The following VRK1 variants were observed in gnomAD, a reference collection of about 807,000 sequenced individuals.
VRK1 encodes the protein serine/threonine-protein kinase VRK1.
VRK1 carries 33 observed loss-of-function variants against 57.1 expected under a neutral mutation model. That is an observed-to-expected ratio of 0.58 (90% CI 0.44 to 0.77). The LOEUF (loss-of-function observed/expected upper bound fraction) is 0.77. VRK1 is among the 30% of genes least tolerant of loss of function. The pLI is 0.00. For missense variants in VRK1, 413 were observed against 477.3 expected (o/e 0.87, Z 1.25); for synonymous variants, 137 against 147.8 (o/e 0.93, Z 0.53).
chr14:96,851,722 G>T (rs1356812276), intron 5 of VRK1, among the ~76,000 whole-genome samples: 1 of 152,104 alleles, frequency 6.6e-6, no homozygotes, highest in Non-Finnish European at 1.5e-5. Flanking sequence ...TAGTACAGGG[G>T]TTAAAAGCAT....
intron 11 of VRK1, among the ~76,000 whole-genome samples, chr14:96,868,337 C>T (rs150593404): frequency 6.6e-6 from 1 of 152,054 alleles, no homozygotes; most frequent in Non-Finnish European, 1.5e-5. Context: ...CACCCTAGAC[C>T]AAGTAAATCA....
At chr14:96,869,969 T>G (rs537730731) in intron 11 of VRK1, among the ~76,000 whole-genome samples, 116 of 152,308 alleles carry the variant, frequency 7.6e-4, no homozygotes, top group African/African-American at 2.7e-3. Context: ...TTCATTGATG[T>G]ATTTATAAAG....
intron 1 of VRK1, among the ~76,000 whole-genome samples, chr14:96,817,952 ACT>A (rs1886456523): frequency 6.6e-6 from 1 of 151,778 alleles, no homozygotes; most frequent in Non-Finnish European, 1.5e-5. Flanking sequence ...CCTAGGTCTG[ACT>A]CTCTTGGATA....
At chr14:96,799,181 GT>G (rs1401352613) in intron 1 of VRK1, among the ~76,000 whole-genome samples, 1 of 152,210 alleles carries the variant, frequency 6.6e-6, no homozygotes, top group Non-Finnish European at 1.5e-5. Context: ...CATATAGTAA[GT>G]TAGTAAGTGC....
intron 11 of VRK1, among the ~76,000 whole-genome samples, chr14:96,869,936 C>T (rs142953282): frequency 6.6e-6 from 1 of 152,222 alleles, no homozygotes; most frequent in East Asian, 1.9e-4. Flanking sequence ...AACTCCCCAC[C>T]AGTATATATA....
At chr14:96,843,664 C>T (rs563229606) in intron 3 of VRK1, among the ~76,000 whole-genome samples, 1 of 152,196 alleles carries the variant, frequency 6.6e-6, no homozygotes, top group South Asian at 2.1e-4. Context: ...AAATGTCAGT[C>T]CCAATTTCTT....
At chr14:96,857,936 AT>A (rs753752666) in intron 10 of VRK1, among the ~76,000 whole-genome samples, 2 of 152,258 alleles carry the variant, frequency 1.3e-5, no homozygotes, top group Non-Finnish European at 2.9e-5. Flanking sequence ...AATGGAGTTA[AT>A]ACAGTGAATG....
At chr14:96,846,849 A>T (rs959466301) in intron 4 of VRK1, among the ~76,000 whole-genome samples, 2 of 152,114 alleles carry the variant, frequency 1.3e-5, no homozygotes, top group African/African-American at 2.4e-5. Context: ...AGATGAGATA[A>T]AGTATATAAG....
In VRK1 at chr14:96,862,145, A is replaced by G. The variant is rs74076166; in HGVS notation, c.1068+1410A>G. Among the ~76,000 whole-genome samples, 1,409 of 148,788 alleles carry G rather than the reference A, an allele frequency of 9.5e-3. 28 individuals are homozygous for G. Among genetic ancestry groups the G allele is most frequent in the African/African-American group, 0.033 (1,323 of 40,176 alleles). On this transcript the variant is annotated intron_variant, in intron 11 of 12. Transcript: ENST00000216639. The stretch of plus-strand genomic sequence containing the variant: ...AAATCCCTTTGTTGTTTGGACTTAC[A>G]TGCTGGAGAAAATGTAGTTTCTGCA...
At position 96,836,960 on chromosome 14, in the gene VRK1, C is replaced by A. The variant is rs570954648; in HGVS notation, c.161-802C>A. Among the ~76,000 whole-genome samples, 4 of 152,224 alleles carry A rather than the reference C, an allele frequency of 2.6e-5. No individual in the cohort carries two copies. In the South Asian group the frequency reaches 6.2e-4, roughly 24 times the overall value. ...GGTTTAGATCCCTCTTACCATGTAGCCACTCTGCTTACCTTTCTTTCCTGC... is the reference window on the plus strand; with the variant it reads ...GGTTTAGATCCCTCTTACCATGTAGACACTCTGCTTACCTTTCTTTCCTGC... On this transcript the variant is annotated intron_variant, in intron 2 of 12. Coordinates refer to ENST00000216639, the MANE Select transcript of VRK1 (RefSeq NM_003384.3).
chr14:96,839,315 C>A (rs1347696423), intron 3 of VRK1, among the ~76,000 whole-genome samples: 1 of 152,064 alleles, frequency 6.6e-6, no homozygotes, highest in African/African-American at 2.4e-5. Context: ...TATAAACATT[C>A]TTGTACAAGT....
chr14:96,807,418 G>A (rs1885923178), intron 1 of VRK1, among the ~76,000 whole-genome samples: 1 of 152,138 alleles, frequency 6.6e-6, no homozygotes, highest in South Asian at 2.1e-4. Context: ...TACATGGCAT[G>A]GTTTCATGTC....
chr14:96,799,434 T>C (rs898659369), intron 1 of VRK1, among the ~76,000 whole-genome samples: 6 of 151,462 alleles, frequency 4.0e-5, no homozygotes, highest in African/African-American at 7.3e-5. Context: ...GACAGCTATA[T>C]TTTTTTTTCT....
chr14:96,837,648 C>G (rs992752606), intron 2 of VRK1, 114 bp from the exon 3 acceptor site: 2 of 505,874 alleles, frequency 4.0e-6, no homozygotes, highest in Non-Finnish European at 6.4e-6. Flanking sequence ...TCCTGAAACA[C>G]ATACTTGGGA....
chr14:96,860,846 C>G (rs750344677), intron 11 of VRK1, 111 bp downstream of exon 11: 346 of 1,099,320 alleles, frequency 3.1e-4, no homozygotes, highest in Non-Finnish European at 4.4e-4. Flanking sequence ...GATTGCATGG[C>G]AATTAAGGCA....
chr14:96,808,017 C>CTGTGTGTGTGTG lies in VRK1; in HGVS notation c.-6+10597_-6+10608dup, dbSNP rs3049309. ...TCCCTCTCTCCCTCTCTCTCTCCCTCTGTGTGTGTGTGTGTGTGTGTGTGT... is the reference window on the plus strand; with the variant it reads ...TCCCTCTCTCCCTCTCTCTCTCCCTCTGTGTGTGTGTGTGTGTGTGTGTGTGTGTGTGTGTGT... On this transcript the variant is annotated intron_variant, in intron 1 of 12. Transcript: ENST00000216639. 2.1e-3 allele frequency among the ~76,000 whole-genome samples: 271 copies of CTGTGTGTGTGTG among 127,322 alleles called. 1 individual carries two copies. Among genetic ancestry groups the CTGTGTGTGTGTG allele is most frequent in the Middle Eastern group, 0.016 (4 of 254 alleles). The allele number at this position is 127,322 out of a possible 152,430, so 83.5% of individuals were successfully genotyped here.
At position 96,881,291 on chromosome 14, in the gene VRK1, C is replaced by A; in HGVS notation, c.*83C>A. On this transcript the variant is annotated 3_prime_UTR_variant, in exon 13 of 13. Transcript: ENST00000216639. ...TTTCTATTTGAACTGTTTTATTTTC[C>A]TGTGAGTCTTGCGAGGTGGAAGTAA... The A allele has an allele frequency of 7.6e-7, 1 of 1,314,400 alleles. No individual in the cohort carries two copies. The highest frequency in any genetic ancestry group is 1.1e-6 in the Non-Finnish European group (1 of 938,158). The allele number at this position is 1,314,400 out of a possible 1,614,324, so 81.4% of individuals were successfully genotyped here.
intron 12 of VRK1, among the ~76,000 whole-genome samples, chr14:96,878,774 G>T (rs1221758375): frequency 6.6e-6 from 1 of 152,148 alleles, no homozygotes; most frequent in Non-Finnish European, 1.5e-5. Context: ...TTTACCAGTT[G>T]AGAAAATTTG....
intron 11 of VRK1, among the ~76,000 whole-genome samples, chr14:96,871,070 T>G (rs1888803058): frequency 6.6e-6 from 1 of 152,224 alleles, no homozygotes; most frequent in Admixed American, 6.5e-5. Context: ...ATCAGTATTT[T>G]TTGGCACATT....
Sources: allele counts gnomAD v4.1 joint callset (sites outside exome capture counted in the v4.1 genomes callset), GRCh38; gene constraint gnomAD v4.1.1; transcripts MANE v1.5; gene names NCBI Gene and HGNC (gene_info 2026-07-23, HGNC 2026-07-21).